Variants in COL22A1 observed in about 807,000 individuals in gnomAD.
COL22A1 encodes the protein collagen alpha-1(XXII) chain.
A neutral mutation model predicts 248.9 loss-of-function variants in COL22A1; 221 were observed. The observed-to-expected ratio is 0.89, with a 90% CI of 0.80 to 0.99. The LOEUF (loss-of-function observed/expected upper bound fraction) is 0.99. Ranked by LOEUF, COL22A1 falls within the 50% of genes least tolerant of loss-of-function variation. COL22A1 has a pLI of 0.00. For missense variants in COL22A1, 2,240 were observed against 2,179.0 expected (o/e 1.03, Z -0.56); for synonymous variants, 891 against 793.4 (o/e 1.12, Z -2.07).
chr8:138,725,407 G>A lies in COL22A1; in HGVS notation c.2173C>T (p.Pro725Ser). Residue 725 changes from proline (P) to serine (S), a missense_variant, in exon 24 of 65, where the codon CCT (proline) becomes TCT (serine). By Grantham distance (74) the Pro-to-Ser change is moderately conservative (BLOSUM62 -1). Coordinates refer to ENST00000303045, the MANE Select transcript of COL22A1 (RefSeq NM_152888.3). Reference sequence around the variant, plus strand: ...CTTACCGGAGAACCTCCCGGTCCAGGGGGGCCTGGGACACCAGGGGGTCCT... The same window carrying A: ...CTTACCGGAGAACCTCCCGGTCCAGAGGGGCCTGGGACACCAGGGGGTCCT... ...PPGPPGVPGP[P>S]GPGGSPGLPG... is the part of the protein sequence containing the mutation. The A allele has an allele frequency of 1.9e-6, 3 of 1,614,062 alleles. No homozygotes were observed. Among genetic ancestry groups the A allele is most frequent in the South Asian group, 1.1e-5 (1 of 91,066 alleles).
At chr8:138,599,617 T>C (rs1817838270) in intron 60 of COL22A1, among the ~76,000 whole-genome samples, 1 of 152,084 alleles carries the variant, frequency 6.6e-6, no homozygotes, top group African/African-American at 2.4e-5. Flanking sequence ...CCCAGCTACT[T>C]GGAAGGCTGA....
intron 27 of COL22A1, among the ~76,000 whole-genome samples, chr8:138,719,035 G>T (rs959164830): frequency 2.0e-5 from 3 of 152,144 alleles, no homozygotes; most frequent in African/African-American, 7.2e-5. Flanking sequence ...AGAAGGATTT[G>T]CCAATTCACA....
intron 4 of COL22A1, among the ~76,000 whole-genome samples, chr8:138,839,360 G>C (rs1016513785): frequency 2.0e-5 from 3 of 152,124 alleles, no homozygotes; most frequent in Non-Finnish European, 4.4e-5. Flanking sequence ...CTGGGCTTTT[G>C]TCGGCTCCAT....
chr8:138,746,067 C>T (rs1446679572), intron 22 of COL22A1, among the ~76,000 whole-genome samples: 3 of 152,246 alleles, frequency 2.0e-5, no homozygotes, highest in African/African-American at 7.2e-5. Flanking sequence ...GCGTGCCTCG[C>T]TCTCAATTCC....
At chr8:138,760,079 T>C (rs1833330385) in intron 18 of COL22A1, among the ~76,000 whole-genome samples, 164 bp downstream of exon 18, 1 of 152,150 alleles carries the variant, frequency 6.6e-6, no homozygotes, top group African/African-American at 2.4e-5. Context: ...TAGCCAGAAA[T>C]GTCTTATGTG....
At chr8:138,741,796 T>C (rs56159087) in intron 22 of COL22A1, among the ~76,000 whole-genome samples, 32,040 of 152,202 alleles carry the variant, frequency 0.21, 3,948 homozygotes, top group African/African-American at 0.33. Flanking sequence ...ATAGTGGTTA[T>C]GGTGATGACA....
At chr8:138,689,010 TG>T in intron 36 of COL22A1, 40 bp from the exon 37 acceptor site, 1 of 1,556,718 alleles carries the variant, frequency 6.4e-7, no homozygotes, top group Middle Eastern at 1.7e-4. Flanking sequence ...AATTTAAAGA[TG>T]ACTGGTCACT....
intron 37 of COL22A1, among the ~76,000 whole-genome samples, chr8:138,686,537 G>T (rs565895262): frequency 6.6e-6 from 1 of 152,244 alleles, no homozygotes; most frequent in Non-Finnish European, 1.5e-5. Flanking sequence ...TCCCCTAGCC[G>T]CAGGCCAGCC....
chr8:138,886,268 C>T (rs1158493348), intron 1 of COL22A1, among the ~76,000 whole-genome samples: 1 of 152,124 alleles, frequency 6.6e-6, no homozygotes. Context: ...CTGCCCAGGG[C>T]CTCTCTCCCC....
intron 59 of COL22A1, among the ~76,000 whole-genome samples, chr8:138,603,463 A>G (rs1446764533): frequency 6.6e-6 from 1 of 152,162 alleles, no homozygotes; most frequent in Non-Finnish European, 1.5e-5. Flanking sequence ...GTGGAGATAT[A>G]CTGGGCATGA....
intron 7 of COL22A1, among the ~76,000 whole-genome samples, chr8:138,817,353 G>C (rs1425122989): frequency 1.3e-5 from 2 of 152,150 alleles, no homozygotes; most frequent in African/African-American, 4.8e-5. Flanking sequence ...GGGAGCTGGG[G>C]TATTGATACT....
intron 27 of COL22A1, 41 bp from the exon 28 acceptor site, chr8:138,716,910 C>T: frequency 6.7e-7 from 1 of 1,482,386 alleles, no homozygotes; most frequent in Non-Finnish European, 9.4e-7. Flanking sequence ...TCTCCATTCA[C>T]TTTAAAGAGA....
At position 138,591,484 on chromosome 8, in the gene COL22A1, C is replaced by T. The variant is rs762272402; in HGVS notation, c.4633G>A (p.Gly1545Ser). The change falls in exon 64 of 65, where the codon GGT (glycine) becomes AGT (serine). Residue 1545 changes from glycine to serine, a missense_variant. Physicochemically the swap from Gly to Ser is moderately conservative, Grantham distance 56. Transcript: ENST00000303045. Reference sequence around the variant, plus strand: ...CCAACTCCAGGTGCACCTGGGTCACCTTTGGCTCCTCGCTCACCTGGGAAG... The same window carrying T: ...CCAACTCCAGGTGCACCTGGGTCACTTTTGGCTCCTCGCTCACCTGGGAAG... ...IGPKGERGAK[G>S]DPGAPGVGLR... is the part of the protein sequence containing the mutation. 59 of 1,559,348 alleles carry T rather than the reference C, an allele frequency of 3.8e-5. No individual in the cohort carries two copies. The highest frequency in any genetic ancestry group is 5.0e-5 in the Non-Finnish European group (57 of 1,150,858).
intron 39 of COL22A1, among the ~76,000 whole-genome samples, chr8:138,683,340 T>C (rs901661256): frequency 3.3e-5 from 5 of 152,234 alleles, no homozygotes; most frequent in African/African-American, 1.2e-4. Context: ...TGATTCATTG[T>C]AGAAGGTATT....
At chr8:138,708,618 C>T (rs530322976) in intron 30 of COL22A1, among the ~76,000 whole-genome samples, 7 of 152,288 alleles carry the variant, frequency 4.6e-5, no homozygotes, top group East Asian at 3.9e-4. Context: ...CTTCCTTACA[C>T]CTTATACAAA....
intron 1 of COL22A1, among the ~76,000 whole-genome samples, chr8:138,884,077 CT>C (rs2132076680): frequency 6.6e-6 from 1 of 152,278 alleles, no homozygotes; most frequent in East Asian, 1.9e-4. Flanking sequence ...CTTTGCCCCC[CT>C]GGGAGGGCTT....
At chr8:138,703,593 G>A (rs1161165644) in intron 30 of COL22A1, among the ~76,000 whole-genome samples, 1 of 152,184 alleles carries the variant, frequency 6.6e-6, no homozygotes, top group Non-Finnish European at 1.5e-5. Flanking sequence ...ATATTGATAT[G>A]CGTAGTGGTA....
chr8:138,761,870 G>T (rs1340745619), intron 17 of COL22A1, among the ~76,000 whole-genome samples: 1 of 152,110 alleles, frequency 6.6e-6, no homozygotes, highest in East Asian at 1.9e-4. Context: ...TTCTTCTAGC[G>T]ACGGTCTTTG....
chr8:138,900,009 G>A (rs890238331), intron 1 of COL22A1, among the ~76,000 whole-genome samples: 1 of 152,130 alleles, frequency 6.6e-6, no homozygotes, highest in Non-Finnish European at 1.5e-5. Context: ...TAGCAACCAG[G>A]ACTGTACTGG....
Sources: allele counts gnomAD v4.1 joint callset (sites outside exome capture counted in the v4.1 genomes callset), GRCh38; gene constraint gnomAD v4.1.1; transcripts MANE v1.5; gene names NCBI Gene and HGNC (gene_info 2026-07-23, HGNC 2026-07-21).